The following SEMA5A variants were observed in gnomAD, a reference collection of about 807,000 sequenced individuals.
SEMA5A encodes the protein semaphorin-5A.
A neutral mutation model predicts 135.5 loss-of-function variants in SEMA5A; 55 were observed. That is an observed-to-expected ratio of 0.41 (90% confidence interval 0.33 to 0.51). SEMA5A has a LOEUF of 0.51. Among genes scored for constraint, SEMA5A ranks in the 20% least tolerant of loss-of-function variants. SEMA5A has a pLI of 0.37. For synonymous variants in SEMA5A, 580 were observed against 546.5 expected, an observed-to-expected ratio of 1.06 and a Z score of -0.85; for missense variants, 1,290 against 1,419.9, an observed-to-expected ratio of 0.91 and a Z score of 1.47.
Position 9,318,427 on chromosome 5 carries a change from A to G in SEMA5A, c.225-10T>C, listed in dbSNP as rs1752484649. 1.9e-6 allele frequency: 3 copies of G among 1,609,646 alleles called. No individual in the cohort carries two copies. The highest frequency in any genetic ancestry group is 2.5e-6 in the Non-Finnish European group (3 of 1,177,774). ...CCTGAAGAGGTAGTTTCTGCAAAAT[A>G]CAAAAACAGAGCAGTTTTATTTTTA... is the stretch of plus-strand genomic sequence containing the variant. On this transcript the variant is annotated splice_polypyrimidine_tract_variant and intron_variant, in intron 4 of 22. Transcript: ENST00000382496.
chr5:9,138,037 A>G (rs1366193334), intron 12 of SEMA5A, among the ~76,000 whole-genome samples: 6 of 152,206 alleles, frequency 3.9e-5, no homozygotes. Flanking sequence ...ATAGGTAGTA[A>G]GTTATTATAC....
At chr5:9,088,637 A>AATAT (rs71611400) in intron 16 of SEMA5A, among the ~76,000 whole-genome samples, 6,073 of 108,118 alleles carry the variant, frequency 0.056, 860 homozygotes, top group African/African-American at 0.23. Flanking sequence ...CTACATTTAT[A>AATAT]ATATATATAT....
At chr5:9,217,655 T>C (rs1186122296) in intron 8 of SEMA5A, among the ~76,000 whole-genome samples, 1 of 152,232 alleles carries the variant, frequency 6.6e-6, no homozygotes. Context: ...TGTCTTTACC[T>C]CTTTACATAA....
At chr5:9,199,738 T>C (rs1002559926) in intron 9 of SEMA5A, among the ~76,000 whole-genome samples, 2 of 151,942 alleles carry the variant, frequency 1.3e-5, no homozygotes, top group Non-Finnish European at 2.9e-5. Flanking sequence ...ATCTCTACAG[T>C]TTACTATCTA....
Position 9,049,754 on chromosome 5 carries a change from T to A in SEMA5A, c.2893+656A>T, listed in dbSNP as rs1362638045. On this transcript the variant is annotated intron_variant, in intron 21 of 22. Transcript: ENST00000382496. ...GACAGCCAACCTCTCCATCCAGGCA[T>A]GTTCACAACACAGACAAGTACTTTA... Among the ~76,000 whole-genome samples, 5 of 152,334 alleles carry A rather than the reference T, an allele frequency of 3.3e-5. No individual in the cohort carries two copies. In the East Asian group the frequency reaches 9.7e-4, roughly 30 times the overall value.
chr5:9,163,153 G>A (rs1330170917), intron 11 of SEMA5A, among the ~76,000 whole-genome samples: 1 of 151,888 alleles, frequency 6.6e-6, no homozygotes, highest in African/African-American at 2.4e-5. Context: ...AGGATGCCAA[G>A]CCCAGGGCAG....
intron 16 of SEMA5A, among the ~76,000 whole-genome samples, chr5:9,073,314 T>C (rs1737870253): frequency 6.6e-6 from 1 of 152,172 alleles, no homozygotes; most frequent in South Asian, 2.1e-4. Flanking sequence ...CATTTGAAAT[T>C]CAATTAACGT....
chr5:9,495,082 T>C (rs1735230610), intron 1 of SEMA5A, among the ~76,000 whole-genome samples: 1 of 152,242 alleles, frequency 6.6e-6, no homozygotes, highest in Non-Finnish European at 1.5e-5. Context: ...TTGTAGGATA[T>C]TCCAAAGTGT....
chr5:9,524,905 T>G (rs997738685), intron 1 of SEMA5A, among the ~76,000 whole-genome samples: 4 of 152,176 alleles, frequency 2.6e-5, no homozygotes, highest in African/African-American at 9.7e-5. Context: ...TGCCCAAAAT[T>G]TGACACTTTG....
At position 9,058,924 on chromosome 5, in the gene SEMA5A, T is replaced by A. The variant is rs530731389; in HGVS notation, c.2518+3963A>T. Among the ~76,000 whole-genome samples, 27 of 152,274 alleles carry A rather than the reference T, an allele frequency of 1.8e-4. No individual in the cohort carries two copies. In the East Asian group the frequency reaches 5.0e-3, roughly 28 times the overall value. On this transcript the variant is annotated intron_variant, in intron 18 of 22. Coordinates refer to ENST00000382496, the MANE Select transcript of SEMA5A (RefSeq NM_003966.3). ...CCTGGCTCCACTTCAAAGTATGGAC[T>A]CAAGGACTCCAAGAATGCAAAGGAA...
At chr5:9,505,148 A>G (rs1735806158) in intron 1 of SEMA5A, among the ~76,000 whole-genome samples, 1 of 152,190 alleles carries the variant, frequency 6.6e-6, no homozygotes, top group Admixed American at 6.5e-5. Flanking sequence ...AACAAAAAAA[A>G]AAAATCTAGA....
At chr5:9,125,197 C>T (rs1016362758) in intron 13 of SEMA5A, among the ~76,000 whole-genome samples, 5 of 152,208 alleles carry the variant, frequency 3.3e-5, no homozygotes, top group African/African-American at 1.2e-4. Context: ...TCCTTTCTAA[C>T]CAACCCTCTA....
intron 4 of SEMA5A, among the ~76,000 whole-genome samples, chr5:9,331,219 A>G (rs1403021988): frequency 1.3e-5 from 2 of 152,216 alleles, no homozygotes; most frequent in Non-Finnish European, 2.9e-5. Flanking sequence ...TCAAGTAAAA[A>G]TAAGAATTAT....
intron 1 of SEMA5A, among the ~76,000 whole-genome samples, chr5:9,482,829 G>A (rs1045079705): frequency 2.0e-5 from 3 of 152,234 alleles, no homozygotes; most frequent in Non-Finnish European, 2.9e-5. Flanking sequence ...CAGGCGATTT[G>A]TGTGTATGGG....
intron 9 of SEMA5A, among the ~76,000 whole-genome samples, chr5:9,201,214 G>A (rs755476028): frequency 6.6e-6 from 1 of 152,074 alleles, no homozygotes; most frequent in Non-Finnish European, 1.5e-5. Flanking sequence ...TTTGGCACGT[G>A]CTCCTCCTGA....
intron 5 of SEMA5A, among the ~76,000 whole-genome samples, chr5:9,303,177 C>T (rs947043855): frequency 4.0e-5 from 6 of 150,206 alleles, no homozygotes; most frequent in Admixed American, 1.3e-4. Context: ...AGTGCAGTGG[C>T]GCCATCTCGG....
At chr5:9,535,743 T>A (rs1489916595) in intron 1 of SEMA5A, among the ~76,000 whole-genome samples, 2 of 151,928 alleles carry the variant, frequency 1.3e-5, no homozygotes, top group Non-Finnish European at 2.9e-5. Context: ...TTAAGAAGCA[T>A]AGCCTGGAAA....
At chr5:9,377,391 A>C (rs1476807090) in intron 3 of SEMA5A, among the ~76,000 whole-genome samples, 1 of 152,166 alleles carries the variant, frequency 6.6e-6, no homozygotes, top group Non-Finnish European at 1.5e-5. Flanking sequence ...TCCTTTGAAC[A>C]CCTTTTGCTT....
chr5:9,386,122 G>GT (rs1269094364), intron 2 of SEMA5A, among the ~76,000 whole-genome samples: 2 of 152,132 alleles, frequency 1.3e-5, no homozygotes, highest in East Asian at 3.9e-4. Flanking sequence ...TCAAATGTTT[G>GT]TTTTTGCATT....
Sources: gnomAD v4.1 joint callset for allele counts (sites outside exome capture counted in the v4.1 genomes callset) on GRCh38, gnomAD v4.1.1 for gene constraint, MANE v1.5 for transcripts, NCBI Gene and HGNC (gene_info 2026-07-23, HGNC 2026-07-21) for gene names.